Variants in CA5A observed in about 807,000 individuals in gnomAD.
CA5A encodes the protein carbonic anhydrase 5A, mitochondrial.
Under a neutral mutation model 37.1 loss-of-function variants are expected in CA5A, and 28 were observed. The observed-to-expected ratio is 0.75, with a 90% CI of 0.56 to 1.03. The LOEUF (loss-of-function observed/expected upper bound fraction) is 1.03, where lower values mean the gene tolerates loss of function less well. CA5A is among the 50% of genes least tolerant of loss of function. The pLI, the probability that CA5A is intolerant of heterozygous loss-of-function variation, is 0.00. For synonymous variants in CA5A, 171 were observed against 158.4 expected, an observed-to-expected ratio of 1.08 and a Z score of -0.60; for missense variants, 444 against 399.9, an observed-to-expected ratio of 1.11 and a Z score of -0.94.
chr16:87,882,277 C>A (rs1567510129), intron 4 of CA5A: 2 of 152,246 alleles, frequency 1.3e-5, no homozygotes, highest in African/African-American at 4.8e-5. Flanking sequence ...GCGTGAACTG[C>A]CCGGCATTGT....
rs372942702 is a variant in CA5A, at chr16:87,891,936, G to A, written c.637C>T (p.Arg213Cys). 17 of 1,550,686 alleles carry A rather than the reference G, an allele frequency of 1.1e-5. No homozygotes were observed. The highest frequency in any genetic ancestry group is 6.0e-5 in the Admixed American group (3 of 49,678). The stretch of plus-strand genomic sequence containing the variant: ...AGCAGAGTGGAGGGGTCGAAGGGGC[G>A]CATGGCCGCCCGCGCGTCCTGAGAG... ...IKHKDARAAMRPFDPSTLLPT... is the reference protein window; with the variant it reads ...IKHKDARAAMCPFDPSTLLPT... The change falls in exon 6 of 7, where the codon CGC becomes TGC. Residue 213 changes from arginine (R) to cysteine (C), a missense_variant. Coordinates refer to ENST00000649794, the MANE Select transcript of CA5A (RefSeq NM_001739.2).
chr16:87,935,169 A>C (rs2056454997), intron 1 of CA5A, among the ~76,000 whole-genome samples: 1 of 152,212 alleles, frequency 6.6e-6, no homozygotes, highest in Non-Finnish European at 1.5e-5. Context: ...ATGCTCTTTC[A>C]ATGGCCCAAA....
chr16:87,919,671 T>G (rs1455413103), intron 2 of CA5A, among the ~76,000 whole-genome samples: 1 of 152,170 alleles, frequency 6.6e-6, no homozygotes, highest in Non-Finnish European at 1.5e-5. Context: ...CCTCTTTGCT[T>G]AAGCCACTTT....
intron 2 of CA5A, among the ~76,000 whole-genome samples, chr16:87,919,997 C>T (rs973408410): frequency 2.0e-5 from 3 of 152,214 alleles, no homozygotes; most frequent in African/African-American, 7.2e-5. Flanking sequence ...GCTGCTAGGC[C>T]TGTACCAGCA....
At chr16:87,916,780 G>A (rs1207286783) in intron 2 of CA5A, among the ~76,000 whole-genome samples, 1 of 152,098 alleles carries the variant, frequency 6.6e-6, no homozygotes, top group Non-Finnish European at 1.5e-5. Flanking sequence ...GGTGCACCTG[G>A]GAAGCGTCTG....
At chr16:87,916,526 C>T (rs1263804979) in intron 2 of CA5A, among the ~76,000 whole-genome samples, 2 of 152,176 alleles carry the variant, frequency 1.3e-5, no homozygotes, top group Non-Finnish European at 2.9e-5. Flanking sequence ...TCAGTGGAGT[C>T]ACCGCTGGCC....
chr16:87,896,058 G>A (rs2055797955), intron 5 of CA5A, among the ~76,000 whole-genome samples: 1 of 152,252 alleles, frequency 6.6e-6, no homozygotes, highest in Non-Finnish European at 1.5e-5. Flanking sequence ...CCAGGGCACA[G>A]ATGTGCCAGT....
intron 2 of CA5A, among the ~76,000 whole-genome samples, chr16:87,906,471 AC>A (rs2055963130): frequency 6.6e-6 from 1 of 151,990 alleles, no homozygotes; most frequent in Non-Finnish European, 1.5e-5. Flanking sequence ...TACTGAAAAT[AC>A]AAAAATTAGC....
At chr16:87,910,660 C>G (rs2056037445) in intron 2 of CA5A, among the ~76,000 whole-genome samples, 1 of 152,188 alleles carries the variant, frequency 6.6e-6, no homozygotes, top group Non-Finnish European at 1.5e-5. Context: ...TCACTTCAAC[C>G]TCTGCCTCCC....
intron 2 of CA5A, among the ~76,000 whole-genome samples, chr16:87,920,046 G>C (rs2056209444): frequency 6.6e-6 from 1 of 152,132 alleles, no homozygotes; most frequent in African/African-American, 2.4e-5. Context: ...GGCTTACCTG[G>C]GACCACTTCT....
At chr16:87,914,965 G>A (rs1196014507) in intron 2 of CA5A, among the ~76,000 whole-genome samples, 3 of 152,236 alleles carry the variant, frequency 2.0e-5, no homozygotes, top group Non-Finnish European at 4.4e-5. Context: ...TAAGGAAAAC[G>A]CCGGGCACCG....
intron 2 of CA5A, among the ~76,000 whole-genome samples, chr16:87,921,627 C>T (rs534333132): frequency 2.0e-5 from 3 of 152,300 alleles, no homozygotes; most frequent in Middle Eastern, 3.4e-3. Context: ...TTCTGGACCC[C>T]GTGAATGGGA....
chr16:87,914,546 G>A (rs996092363), intron 2 of CA5A, among the ~76,000 whole-genome samples: 12 of 152,160 alleles, frequency 7.9e-5, no homozygotes, highest in Admixed American at 2.6e-4. Context: ...GCACAGAGCC[G>A]TCTGAACACA....
intron 1 of CA5A, among the ~76,000 whole-genome samples, chr16:87,933,550 A>ATT (rs113398551): frequency 2.1e-5 from 3 of 141,186 alleles, no homozygotes; most frequent in African/African-American, 2.6e-5. Flanking sequence ...TAATTTTTTA[A>ATT]TTTTTTTTTT....
At chr16:87,917,221 C>A (rs1388734564) in intron 2 of CA5A, among the ~76,000 whole-genome samples, 3 of 152,104 alleles carry the variant, frequency 2.0e-5, no homozygotes, top group African/African-American at 7.2e-5. Flanking sequence ...ATGATCGCAC[C>A]CCTGGTCACA....
rs571463713 is a variant in CA5A, at chr16:87,897,550, C to T, written c.618+4362G>A. ...GGTGGGGGTCCAGGCTTCCAGGCAG[C>T]GCCTGATGTGGTTTTGGTTACAGAC... is the stretch of plus-strand genomic sequence containing the variant. On this transcript the variant is annotated intron_variant, in intron 5 of 6. Coordinates refer to ENST00000649794, the MANE Select transcript of CA5A (RefSeq NM_001739.2). Among the ~76,000 whole-genome samples, 4 of 152,274 alleles carry T rather than the reference C, an allele frequency of 2.6e-5. No homozygotes were observed. In the South Asian group the frequency reaches 8.3e-4, roughly 32 times the overall value.
intron 3 of CA5A, among the ~76,000 whole-genome samples, chr16:87,903,093 T>A (rs909895354): frequency 1.3e-5 from 2 of 151,908 alleles, no homozygotes; most frequent in African/African-American, 4.8e-5. Flanking sequence ...GGTGGTTTCA[T>A]TATTTTCTAC....
intron 5 of CA5A, chr16:87,893,772 C>A (rs1410394797): frequency 3.7e-5 from 15 of 407,764 alleles, no homozygotes; most frequent in South Asian, 1.9e-5. Flanking sequence ...TGAATACACT[C>A]ACAGCCAAAA....
chr16:87,922,614 C>T (rs918711437), intron 2 of CA5A, among the ~76,000 whole-genome samples: 37 of 152,326 alleles, frequency 2.4e-4, no homozygotes, highest in Admixed American at 1.5e-3. Flanking sequence ...CCTCCCGTGC[C>T]GACCTCAAGG....
Sources: allele counts gnomAD v4.1 joint callset (sites outside exome capture counted in the v4.1 genomes callset), GRCh38; gene constraint gnomAD v4.1.1; transcripts MANE v1.5; gene names NCBI Gene and HGNC (gene_info 2026-07-23, HGNC 2026-07-21).